KCTD1: variants seen among roughly 807,000 people sequenced by gnomAD.
The protein encoded by KCTD1 is BTB/POZ domain-containing protein KCTD1.
In KCTD1, 24 loss-of-function variants were observed where a neutral mutation model predicts 66.0. That is an observed-to-expected ratio of 0.36 (90% CI 0.26 to 0.51). The LOEUF (loss-of-function observed/expected upper bound fraction) is 0.51, where lower values mean the gene tolerates loss of function less well. Ranked by LOEUF, KCTD1 falls within the 20% of genes least tolerant of loss-of-function variation. KCTD1 has a pLI of 0.95. For synonymous variants in KCTD1, 511 were observed against 517.2 expected, an observed-to-expected ratio of 0.99 and a Z score of 0.16; for missense variants, 943 against 1,205.2, an observed-to-expected ratio of 0.78 and a Z score of 3.22.
At chr18:26,469,096 C>T (rs1980909453) in intron 3 of KCTD1, among the ~76,000 whole-genome samples, 1 of 152,138 alleles carries the variant, frequency 6.6e-6, no homozygotes, top group African/African-American at 2.4e-5. Flanking sequence ...CTGTAATTTA[C>T]AGCCTGTCAC....
intron 1 of KCTD1, chr18:26,629,010 A>G (rs1316639530): frequency 1.0e-5 from 2 of 195,602 alleles, no homozygotes; most frequent in African/African-American, 4.7e-5. Context: ...AATAAATAGG[A>G]GAGATTTTTA....
intron 1 of KCTD1, among the ~76,000 whole-genome samples, chr18:26,507,039 GC>G (rs1220251465): frequency 6.6e-6 from 1 of 152,128 alleles, no homozygotes; most frequent in Non-Finnish European, 1.5e-5. Context: ...GGTGGCAGGT[GC>G]CTGTAATCCC....
chr18:26,492,834 A>G (rs932527212), intron 2 of KCTD1, among the ~76,000 whole-genome samples: 2 of 151,982 alleles, frequency 1.3e-5, no homozygotes, highest in Non-Finnish European at 1.5e-5. Flanking sequence ...TTCCTTACCT[A>G]TAAGGTTATA....
At chr18:26,603,391 C>G (rs1986941296) in intron 1 of KCTD1, among the ~76,000 whole-genome samples, 1 of 149,498 alleles carries the variant, frequency 6.7e-6, no homozygotes, top group Non-Finnish European at 1.5e-5. Flanking sequence ...AAGATTGCCC[C>G]ACTGCACTCC....
At chr18:26,480,129 G>T (rs1157892167) in intron 2 of KCTD1, among the ~76,000 whole-genome samples, 4 of 149,292 alleles carry the variant, frequency 2.7e-5, no homozygotes, top group Non-Finnish European at 4.4e-5. Context: ...GTTTTTTAAG[G>T]ATGATCATTA....
At chr18:26,600,491 G>C (rs557809719) in intron 1 of KCTD1, among the ~76,000 whole-genome samples, 2 of 121,920 alleles carry the variant, frequency 1.6e-5, no homozygotes, top group South Asian at 5.4e-4. Flanking sequence ...GAAGCTGGCT[G>C]GGGGGGGTGC....
At chr18:26,615,798 C>CT (rs994659974) in intron 1 of KCTD1, among the ~76,000 whole-genome samples, 83 of 151,468 alleles carry the variant, frequency 5.5e-4, no homozygotes, top group African/African-American at 1.8e-3. Context: ...ATCACTAGTG[C>CT]TTTTTTTTTG....
chr18:26,490,044 A>G (rs752471771), intron 2 of KCTD1, among the ~76,000 whole-genome samples: 116 of 152,320 alleles, frequency 7.6e-4, no homozygotes, highest in Non-Finnish European at 1.4e-3. Context: ...TTCATGACTG[A>G]TCAAAAACGA....
chr18:26,481,200 G>C (rs910216656), intron 2 of KCTD1, among the ~76,000 whole-genome samples: 1 of 152,134 alleles, frequency 6.6e-6, no homozygotes, highest in African/African-American at 2.4e-5. Context: ...AATTTAAGTC[G>C]TCGGGGCTGG....
At chr18:26,641,764 A>G (rs914938750), upstream of KCTD1, among the ~76,000 whole-genome samples, 1 of 152,136 alleles carries the variant, frequency 6.6e-6, no homozygotes, top group Non-Finnish European at 1.5e-5. Context: ...TGACATTTCA[A>G]CCAGCCTTCT....
chr18:26,599,793 G>T, intron 1 of KCTD1: 1 of 1,568,576 alleles, frequency 6.4e-7, no homozygotes, highest in South Asian at 1.1e-5. Flanking sequence ...TGAAAGAGCT[G>T]CAGCGGGAGC....
At chr18:26,636,022 C>G (rs1028198934) in intron 1 of KCTD1, among the ~76,000 whole-genome samples, 1 of 152,018 alleles carries the variant, frequency 6.6e-6, no homozygotes, top group African/African-American at 2.4e-5. Context: ...GGGGTTGGGG[C>G]TTGTGCTGGG....
chr18:26,530,694 T>C (rs1035760369), intron 1 of KCTD1, among the ~76,000 whole-genome samples: 1 of 152,246 alleles, frequency 6.6e-6, no homozygotes, highest in African/African-American at 2.4e-5. Flanking sequence ...AGCACTTGAC[T>C]TAACCTTCAG....
intron 2 of KCTD1, among the ~76,000 whole-genome samples, chr18:26,494,543 G>A (rs1161375415): frequency 6.6e-6 from 1 of 152,206 alleles, no homozygotes; most frequent in Non-Finnish European, 1.5e-5. Context: ...TCCAGCAGTT[G>A]TGCAAGGTAA....
chr18:26,510,553 C>T (rs1983279865), intron 1 of KCTD1, among the ~76,000 whole-genome samples: 1 of 152,156 alleles, frequency 6.6e-6, no homozygotes, highest in Non-Finnish European at 1.5e-5. Context: ...GTGTCCTCAA[C>T]ATGCCTTTTT....
At chr18:26,641,746 G>A (rs747982463), upstream of KCTD1, among the ~76,000 whole-genome samples, 2 of 152,098 alleles carry the variant, frequency 1.3e-5, no homozygotes, top group Non-Finnish European at 2.9e-5. Flanking sequence ...CAAAATCAGT[G>A]CCTAAAGTGA....
At chr18:26,479,606 C>A (rs1187790654) in intron 2 of KCTD1, among the ~76,000 whole-genome samples, 1 of 152,180 alleles carries the variant, frequency 6.6e-6, no homozygotes, top group Non-Finnish European at 1.5e-5. Flanking sequence ...ACAGGCCTGG[C>A]GGAGGTGAAA....
chr18:26,609,386 C>T (rs903173958), intron 1 of KCTD1, among the ~76,000 whole-genome samples: 3 of 152,120 alleles, frequency 2.0e-5, no homozygotes, highest in African/African-American at 4.8e-5. Flanking sequence ...TCCACTGCCA[C>T]GCTGGGAATG....
chr18:26,521,502 CTG>C (rs1598914979), intron 1 of KCTD1, among the ~76,000 whole-genome samples: 1 of 152,188 alleles, frequency 6.6e-6, no homozygotes, highest in Non-Finnish European at 1.5e-5. Context: ...ACAGGGCTGT[CTG>C]GGGATTTAAT....
Sources: allele counts gnomAD v4.1 joint callset (sites outside exome capture counted in the v4.1 genomes callset), GRCh38; gene constraint gnomAD v4.1.1; transcripts MANE v1.5; gene names NCBI Gene and HGNC (gene_info 2026-07-23, HGNC 2026-07-21).